AMDHD1: variants seen among roughly 807,000 people sequenced by gnomAD.
AMDHD1 encodes probable imidazolonepropionase.
A neutral mutation model predicts 44.1 loss-of-function variants in AMDHD1; 45 were observed. The observed-to-expected ratio is 1.02, with a 90% CI of 0.80 to 1.31. The LOEUF is 1.31. Ranked by LOEUF, AMDHD1 falls within the 50% of genes most tolerant of loss-of-function variation. AMDHD1 has a pLI of 0.00. For synonymous variants in AMDHD1, 206 were observed against 205.0 expected (o/e 1.00, Z -0.04); for missense variants, 586 against 552.1 (o/e 1.06, Z -0.61).
intron 6 of AMDHD1, among the ~76,000 whole-genome samples, 168 bp from the exon 7 acceptor site, chr12:95,965,518 G>A (rs2080605615): frequency 6.6e-6 from 1 of 152,198 alleles, no homozygotes; most frequent in African/African-American, 2.4e-5. Flanking sequence ...AAAATCAGGA[G>A]TCCTTGGATT....
rs1174669907 is a variant in AMDHD1, at chr12:95,968,297, T to C, written c.*454T>C. ...ATATAGCCTTCTGTTAAGCAAATAG[T>C]ATTTCCTTTCCCCAAGTAGTTCATT... On this transcript the variant is annotated 3_prime_UTR_variant, in exon 9 of 9. Coordinates refer to ENST00000266736, the MANE Select transcript of AMDHD1 (RefSeq NM_152435.3). 6.4e-6 allele frequency: 1 copy of C among 155,872 alleles called. No individual in the cohort carries two copies. Among genetic ancestry groups the C allele is most frequent in the African/African-American group, 2.4e-5 (1 of 41,480 alleles). 9.7% of individuals were successfully genotyped at this position (155,872 alleles called of 1,614,324 possible).
chr12:95,958,517 GA>G (rs2080563931), intron 4 of AMDHD1, among the ~76,000 whole-genome samples: 1 of 152,070 alleles, frequency 6.6e-6, no homozygotes, highest in Non-Finnish European at 1.5e-5. Flanking sequence ...GAAAACAGTA[GA>G]TTTTTTTTCA....
rs1413320868 is a variant in AMDHD1, at chr12:95,948,543, G to T, written c.138-4174G>T. Among the ~76,000 whole-genome samples, 2 of 85,828 alleles carry T rather than the reference G, an allele frequency of 2.3e-5. 1 individual carries two copies. Among genetic ancestry groups the T allele is most frequent in the East Asian group, 2.7e-3 (2 of 740 alleles). The allele number at this position is 85,828 out of a possible 152,430, so 56.3% of individuals were successfully genotyped here. A position where few individuals can be genotyped will look rare whatever the true frequency, so the allele number is the denominator to read the frequency against. Reference sequence around the variant, plus strand: ...TGCCCCGTCCGGGAGGGAGGTGGGGGGGGGGTCAGCCCCCACCGCCCAGCC... The same window carrying T: ...TGCCCCGTCCGGGAGGGAGGTGGGGTGGGGGTCAGCCCCCACCGCCCAGCC... On this transcript the variant is annotated intron_variant, in intron 1 of 8. Coordinates refer to ENST00000266736, the MANE Select transcript of AMDHD1 (RefSeq NM_152435.3).
At chr12:95,947,924 A>T (rs1372726648) in intron 1 of AMDHD1, among the ~76,000 whole-genome samples, 1 of 29,448 alleles carries the variant, frequency 3.4e-5, no homozygotes, top group African/African-American at 1.1e-4. Context: ...CAGCCGCCCC[A>T]TCCGGGAGGG....
intron 1 of AMDHD1, among the ~76,000 whole-genome samples, chr12:95,944,405 AT>A (rs1041420055): frequency 1.1e-4 from 17 of 150,880 alleles, no homozygotes; most frequent in African/African-American, 3.9e-4. Context: ...CGCCCAGCCT[AT>A]TTTTTGTTTT....
intron 7 of AMDHD1, 28 bp downstream of exon 7, chr12:95,965,807 G>T: frequency 1.4e-6 from 2 of 1,416,722 alleles, no homozygotes; most frequent in South Asian, 2.4e-5. Flanking sequence ...GTACCTTTCT[G>T]AGCAGAGTAT....
intron 1 of AMDHD1, among the ~76,000 whole-genome samples, chr12:95,945,022 T>C (rs553355065): frequency 7.9e-5 from 12 of 152,224 alleles, no homozygotes; most frequent in African/African-American, 2.9e-4. Context: ...TAATCCCAGC[T>C]ACTCGGGAGG....
chr12:95,952,339 C>G (rs922118567), intron 1 of AMDHD1, among the ~76,000 whole-genome samples: 5 of 152,168 alleles, frequency 3.3e-5, no homozygotes, highest in African/African-American at 1.2e-4. Context: ...TTCTTGGCAT[C>G]TTTGCTGAAA....
At chr12:95,960,665 T>A in intron 5 of AMDHD1, 42 bp downstream of exon 5, 2 of 1,574,944 alleles carry the variant, frequency 1.3e-6, no homozygotes, top group Non-Finnish European at 1.7e-6. Flanking sequence ...ACATTCATTC[T>A]TGCACATTCA....
chr12:95,962,019 G>A (rs1331991874), intron 5 of AMDHD1, among the ~76,000 whole-genome samples: 1 of 152,184 alleles, frequency 6.6e-6, no homozygotes, highest in Non-Finnish European at 1.5e-5. Flanking sequence ...TGTAATCCTA[G>A]CACTTTTGGA....
At chr12:95,965,197 G>A (rs1008766825) in intron 6 of AMDHD1, among the ~76,000 whole-genome samples, 7 of 151,332 alleles carry the variant, frequency 4.6e-5, no homozygotes, top group Non-Finnish European at 1.0e-4. Context: ...TACTCGGGAG[G>A]CTGAGGCAGG....
chr12:95,954,244 T>C (rs1263797834), intron 2 of AMDHD1, among the ~76,000 whole-genome samples: 1 of 152,176 alleles, frequency 6.6e-6, no homozygotes, highest in Non-Finnish European at 1.5e-5. Context: ...GTTCATGGTT[T>C]TGCCAACTAG....
rs12302238 is a variant in AMDHD1 at position 95,957,029 on chromosome 12, C to G, written c.587+67C>G. 8.8e-6 allele frequency: 14 copies of G among 1,582,098 alleles called. No individual in the cohort carries two copies. The African/African-American group carries it at 1.9e-4, about 21-fold the overall frequency. The stretch of plus-strand genomic sequence containing the variant: ...TGAAAACGAACCCCGGGGGTGGAGG[C>G]GCATTAGCACTTTAGCTCTTGCAGG... On this transcript the variant is annotated intron_variant, in intron 4 of 8. Coordinates refer to ENST00000266736, the MANE Select transcript of AMDHD1 (RefSeq NM_152435.3).
rs1051287747 is a variant in AMDHD1, at chr12:95,943,527, G to C, written c.129G>C (p.Val43=). ...SLAVLEGASL[V]VGKDGFIKAI... is the part of the protein sequence containing the mutation. ...CGGTGCTGGAAGGCGCCAGCCTGGT[G>C]GTGGGCAAGTAAGTGGCCGGGCGCG... Residue 43 remains valine, a synonymous_variant, in exon 1 of 9, where the codon GTG becomes GTC. Transcript: ENST00000266736. The C allele has an allele frequency of 1.4e-5, 21 of 1,469,440 alleles. No individual in the cohort carries two copies. The African/African-American group carries it at 1.5e-4, about 10-fold the overall frequency. The allele number at this position is 1,469,440 out of a possible 1,614,324, so 91.0% of individuals were successfully genotyped here.
rs1166675918 is a variant in AMDHD1, at chr12:95,943,365, G to A, written c.-34G>A. 3 of 1,222,566 alleles carry A rather than the reference G, an allele frequency of 2.5e-6. No individual in the cohort carries two copies. The highest frequency in any genetic ancestry group is 2.9e-5 in the Admixed American group (1 of 34,566). The allele number at this position is 1,222,566 out of a possible 1,614,324, so 75.7% of individuals were successfully genotyped here. A position where few individuals can be genotyped will look rare whatever the true frequency, so the allele number is the denominator to read the frequency against. On this transcript the variant is annotated 5_prime_UTR_variant, in exon 1 of 9. Coordinates refer to ENST00000266736, the MANE Select transcript of AMDHD1 (RefSeq NM_152435.3). ...TGAGTCCTGCCGGTGGCCCGAGCCCGGTGGCCTCCCGGCGACCCTCGGCGC... is the reference window on the plus strand; with the variant it reads ...TGAGTCCTGCCGGTGGCCCGAGCCCAGTGGCCTCCCGGCGACCCTCGGCGC...
At chr12:95,965,608 A>G in intron 6 of AMDHD1, 78 bp from the exon 7 acceptor site, 3 of 888,676 alleles carry the variant, frequency 3.4e-6, no homozygotes, top group Non-Finnish European at 5.3e-6. Flanking sequence ...TGACTGTCTC[A>G]AGTTCTCTTC....
chr12:95,944,674 C>T (rs1414563925), intron 1 of AMDHD1, among the ~76,000 whole-genome samples: 2 of 152,162 alleles, frequency 1.3e-5, no homozygotes, highest in African/African-American at 4.8e-5. Context: ...GGTTTGGCCT[C>T]CCAGTGCTGA....
intron 1 of AMDHD1, among the ~76,000 whole-genome samples, chr12:95,947,797 G>A (rs1383067838): frequency 1.8e-3 from 161 of 87,670 alleles, no homozygotes; most frequent in African/African-American, 6.6e-3. Context: ...CAGCCGCCCC[G>A]TCCGGGAGGG....
At chr12:95,957,786 C>T (rs572804488) in intron 4 of AMDHD1, among the ~76,000 whole-genome samples, 1 of 152,298 alleles carries the variant, frequency 6.6e-6, no homozygotes, top group Admixed American at 6.5e-5. Flanking sequence ...GGCATAGTGG[C>T]TCACACCTGT....
Sources: gnomAD v4.1 joint callset for allele counts (sites outside exome capture counted in the v4.1 genomes callset) on GRCh38, gnomAD v4.1.1 for gene constraint, MANE v1.5 for transcripts, NCBI Gene and HGNC (gene_info 2026-07-23, HGNC 2026-07-21) for gene names.